Variants in SPRED1 observed in about 807,000 individuals in gnomAD.
SPRED1 encodes sprouty-related, EVH1 domain-containing protein 1.
Under a neutral mutation model 52.3 loss-of-function variants are expected in SPRED1, and 18 were observed. The observed-to-expected ratio is 0.34, with a 90% CI of 0.24 to 0.51. SPRED1 has a LOEUF of 0.51. Among genes scored for constraint, SPRED1 ranks in the 20% least tolerant of loss-of-function variants. SPRED1 has a pLI of 0.97. For missense variants in SPRED1, 485 were observed against 551.0 expected (o/e 0.88, Z 1.20); for synonymous variants, 155 against 179.7 (o/e 0.86, Z 1.10).
chr15:38,306,863 C>T (rs543630854), intron 2 of SPRED1, among the ~76,000 whole-genome samples: 1 of 152,186 alleles, frequency 6.6e-6, no homozygotes, highest in South Asian at 2.1e-4. Flanking sequence ...CATTTGGCAT[C>T]TGACATATTT....
chr15:38,266,852 A>G (rs535101910), intron 1 of SPRED1, among the ~76,000 whole-genome samples: 1 of 151,230 alleles, frequency 6.6e-6, no homozygotes, highest in African/African-American at 2.4e-5. Context: ...AAAAAAAATT[A>G]TTGGATGTTG....
At chr15:38,283,150 A>G (rs1756377588) in intron 1 of SPRED1, among the ~76,000 whole-genome samples, 1 of 152,190 alleles carries the variant, frequency 6.6e-6, no homozygotes, top group Admixed American at 6.5e-5. Context: ...ACTTACAGTC[A>G]TGACAGAAGG....
intron 1 of SPRED1, among the ~76,000 whole-genome samples, chr15:38,278,783 T>G (rs1894617315): frequency 6.6e-6 from 1 of 151,790 alleles, no homozygotes; most frequent in Non-Finnish European, 1.5e-5. Flanking sequence ...AAAAAAAGTC[T>G]GTACATGTTC....
At chr15:38,257,352 A>AT (rs901946575) in intron 1 of SPRED1, among the ~76,000 whole-genome samples, 2 of 151,918 alleles carry the variant, frequency 1.3e-5, no homozygotes, top group African/African-American at 2.4e-5. Context: ...TCATTACCTC[A>AT]TTTTTTTGTT....
chr15:38,336,266 A>G (rs2141004807), intron 4 of SPRED1, among the ~76,000 whole-genome samples: 1 of 151,640 alleles, frequency 6.6e-6, no homozygotes, highest in South Asian at 2.1e-4. Flanking sequence ...CCTAAAGGAA[A>G]AGAAGTCATA....
At chr15:38,280,044 A>G (rs1894654869) in intron 1 of SPRED1, among the ~76,000 whole-genome samples, 1 of 152,160 alleles carries the variant, frequency 6.6e-6, no homozygotes, top group Non-Finnish European at 1.5e-5. Flanking sequence ...TCATGACTGT[A>G]AGTTCAGTGT....
intron 2 of SPRED1, among the ~76,000 whole-genome samples, chr15:38,314,043 G>T (rs1895421602): frequency 6.6e-6 from 1 of 151,782 alleles, no homozygotes; most frequent in African/African-American, 2.4e-5. Context: ...ATTGCATTAT[G>T]TTTAGAGATG....
Position 38,356,541 on chromosome 15 carries a change from T to G in SPRED1, c.*4877T>G, listed in dbSNP as rs1888625684. 6.6e-6 allele frequency: 1 copy of G among 152,158 alleles called. No homozygotes were observed. Among genetic ancestry groups the G allele is most frequent in the Admixed American group, 6.5e-5 (1 of 15,280 alleles). 9.4% of individuals were successfully genotyped at this position (152,158 alleles called of 1,614,324 possible). ...GAGGAGAAAGTAAAAATGGAAGCTT[T>G]TGATAATTAGCTCTGTTCTTTAAAA... is the stretch of plus-strand genomic sequence containing the variant. On this transcript the variant is annotated 3_prime_UTR_variant, in exon 7 of 7. Transcript: ENST00000299084.
At chr15:38,337,293 A>G (rs1448706254) in intron 4 of SPRED1, among the ~76,000 whole-genome samples, 1 of 152,128 alleles carries the variant, frequency 6.6e-6, no homozygotes, top group African/African-American at 2.4e-5. Flanking sequence ...ACTTTTTTCT[A>G]GTTTAGGATT....
intron 2 of SPRED1, among the ~76,000 whole-genome samples, chr15:38,312,411 T>C (rs1895387606): frequency 6.6e-6 from 1 of 152,082 alleles, no homozygotes; most frequent in Non-Finnish European, 1.5e-5. Context: ...CTGTGCCCGA[T>C]TGTTTTTTGT....
chr15:38,290,324 C>A (rs1046667489), intron 1 of SPRED1, among the ~76,000 whole-genome samples: 1 of 152,096 alleles, frequency 6.6e-6, no homozygotes, highest in Non-Finnish European at 1.5e-5. Flanking sequence ...AGGGGACATT[C>A]GAAGTAGTTA....
intron 2 of SPRED1, among the ~76,000 whole-genome samples, chr15:38,309,364 C>T (rs1279883189): frequency 1.3e-5 from 2 of 152,214 alleles, no homozygotes; most frequent in African/African-American, 4.8e-5. Flanking sequence ...TGGTCTTGAA[C>T]TCCTGACCTT....
At chr15:38,339,651 A>G in intron 4 of SPRED1, 86 bp from the exon 5 acceptor site, 2 of 1,420,712 alleles carry the variant, frequency 1.4e-6, no homozygotes, top group Non-Finnish European at 2.0e-6. Flanking sequence ...GACTTGCTAA[A>G]TACTTTTTAG....
intron 4 of SPRED1, among the ~76,000 whole-genome samples, chr15:38,332,541 C>G (rs1229404569): frequency 1.3e-5 from 2 of 152,166 alleles, no homozygotes; most frequent in Admixed American, 6.6e-5. Context: ...CCACTGCATT[C>G]CACCCTGGGC....
intron 1 of SPRED1, among the ~76,000 whole-genome samples, chr15:38,296,292 C>T (rs1240732928): frequency 1.3e-5 from 2 of 152,114 alleles, no homozygotes; most frequent in Admixed American, 6.5e-5. Flanking sequence ...ACAGTTAAAA[C>T]TACTAGGGCT....
chr15:38,348,955 T>A (rs1896197407), intron 5 of SPRED1, among the ~76,000 whole-genome samples: 1 of 152,122 alleles, frequency 6.6e-6, no homozygotes. Context: ...TTTGGTGGTT[T>A]TTATTATATT....
At chr15:38,261,619 G>A (rs995312488) in intron 1 of SPRED1, among the ~76,000 whole-genome samples, 1 of 151,942 alleles carries the variant, frequency 6.6e-6, no homozygotes, top group Non-Finnish European at 1.5e-5. Context: ...TGTCTCCCAG[G>A]CTGGAGTGCA....
chr15:38,267,654 A>G (rs867789925), intron 1 of SPRED1, among the ~76,000 whole-genome samples: 25 of 152,318 alleles, frequency 1.6e-4, no homozygotes, highest in South Asian at 1.4e-3. Flanking sequence ...CATTTCATGC[A>G]TTTAGTCTTT....
At position 38,351,092 on chromosome 15, in the gene SPRED1, A is replaced by G; in HGVS notation, c.763A>G (p.Ile255Val). The change falls in exon 7 of 7, where the codon ATA (isoleucine) becomes GTA (valine). Residue 255 changes from isoleucine to valine, a missense_variant. Transcript: ENST00000299084. ...IVRINPRDIL[I>V]RRYADYRHPD... ...CAGAATAAACCCTCGAGATATCTTA[A>G]TACGTCGCTATGCAGACTACAGACA... 1 of 1,614,008 alleles carries G rather than the reference A, an allele frequency of 6.2e-7. No individual in the cohort carries two copies. Among genetic ancestry groups the G allele is most frequent in the Non-Finnish European group, 8.5e-7 (1 of 1,179,974 alleles).
Sources: gnomAD v4.1 joint callset for allele counts (sites outside exome capture counted in the v4.1 genomes callset) on GRCh38, gnomAD v4.1.1 for gene constraint, MANE v1.5 for transcripts, NCBI Gene and HGNC (gene_info 2026-07-23, HGNC 2026-07-21) for gene names.